Variants in SLC17A1 observed in about 807,000 individuals in gnomAD.
SLC17A1 encodes sodium-dependent phosphate transport protein 1.
In SLC17A1, 51 loss-of-function variants were observed where a neutral mutation model predicts 53.5. The observed-to-expected ratio is 0.95, with a 90% CI of 0.76 to 1.20. The LOEUF is 1.20. SLC17A1 is among the 50% of genes most tolerant of loss of function. The probability of loss-of-function intolerance (pLI) is 0.00; values close to 1 mark genes in which losing one functional copy is unlikely to be tolerated. For missense variants in SLC17A1, 538 were observed against 568.2 expected, an observed-to-expected ratio of 0.95 and a Z score of 0.54; for synonymous variants, 179 against 198.8, an observed-to-expected ratio of 0.90 and a Z score of 0.84.
At chr6:25,773,637 C>A in the SLC17A1 span, 67 of 1,613,678 alleles carry the variant, frequency 4.2e-5, no homozygotes, top group Middle Eastern at 1.6e-4. Flanking sequence ...TACACACCAA[C>A]GTACATCAGC....
chr6:25,777,850 C>T, the SLC17A1 span: 10 of 1,192,586 alleles, frequency 8.4e-6, no homozygotes, highest in South Asian at 1.2e-5. Context: ...GGAATATTTG[C>T]CTCCCTCTCC....
the SLC17A1 span, among the ~76,000 whole-genome samples, chr6:25,752,284 T>C: frequency 6.6e-6 from 1 of 152,236 alleles, no homozygotes; most frequent in Non-Finnish European, 1.5e-5. Context: ...CATGTTACTA[T>C]ACTGAATATT....
the SLC17A1 span, among the ~76,000 whole-genome samples, chr6:25,755,693 A>G: frequency 6.6e-6 from 1 of 152,190 alleles, no homozygotes; most frequent in African/African-American, 2.4e-5. Flanking sequence ...ATATTTCTAC[A>G]AAGGCCCTTC....
At position 25,800,923 on chromosome 6, in the gene SLC17A1, AATTAGTCCTCCTATC is replaced by A; in HGVS notation, c.1221_1235del (p.Met407_Leu411del). The A allele has an allele frequency of 6.2e-7, 1 of 1,610,184 alleles. No individual in the cohort carries two copies. The highest frequency in any genetic ancestry group is 8.5e-7 in the Non-Finnish European group (1 of 1,176,574). ...GGATCAATCCAGTCAAAGTGGAAGC[AATTAGTCCTCCTATC>A]ATTCCAGTTAAAGTTGAACATGCTT... On this transcript the variant is annotated inframe_deletion, in exon 11 of 13. Transcript: ENST00000244527.
chr6:25,807,471 T>C (rs977362392), intron 10 of SLC17A1, among the ~76,000 whole-genome samples: 29 of 152,024 alleles, frequency 1.9e-4, no homozygotes, highest in African/African-American at 7.0e-4. Flanking sequence ...TTAAAATTAT[T>C]ATTTCAATAA....
At chr6:25,727,526 G>A in the SLC17A1 span, among the ~76,000 whole-genome samples, 1 of 150,894 alleles carries the variant, frequency 6.6e-6, no homozygotes, top group Admixed American at 6.6e-5. Flanking sequence ...TGAGCAGCTG[G>A]GACTACAGGC....
chr6:25,773,035 C>T, the SLC17A1 span, among the ~76,000 whole-genome samples: 2 of 152,152 alleles, frequency 1.3e-5, no homozygotes, highest in Non-Finnish European at 2.9e-5. Flanking sequence ...TAAAAAAATC[C>T]TTTTTAATGC....
chr6:25,811,624 T>C lies in SLC17A1; in HGVS notation c.1030+14A>G. 4 of 1,613,930 alleles carry C rather than the reference T, an allele frequency of 2.5e-6. No homozygotes were observed. Among genetic ancestry groups the C allele is most frequent in the Non-Finnish European group, 3.4e-6 (4 of 1,179,872 alleles). ...GTATCTCCCAAGTGCTTAAATGTTC[T>C]GGCTGTTGCTTACCTGCTGCTGTGA... is the stretch of plus-strand genomic sequence containing the variant. On this transcript the variant is annotated intron_variant, in intron 9 of 12. Transcript: ENST00000244527.
At chr6:25,802,923 G>T (rs1482223958) in intron 10 of SLC17A1, among the ~76,000 whole-genome samples, 1 of 131,208 alleles carries the variant, frequency 7.6e-6, no homozygotes, top group Non-Finnish European at 1.6e-5. Flanking sequence ...ACGTTTTAAC[G>T]ACTATCTTCT....
At chr6:25,726,609 G>A in the SLC17A1 span, 233 of 1,492,398 alleles carry the variant, frequency 1.6e-4, no homozygotes, top group South Asian at 7.5e-4. Context: ...ACTGAGGTTG[G>A]CATTTGCTAT....
At position 25,801,540 on chromosome 6, in the gene SLC17A1, T is replaced by C. The variant is rs527327927; in HGVS notation, c.1179-560A>G. 3.3e-5 allele frequency among the ~76,000 whole-genome samples: 5 copies of C among 152,280 alleles called. No individual in the cohort carries two copies. The East Asian group carries it at 7.7e-4, about 23-fold the overall frequency. Reference sequence around the variant, plus strand: ...ATAAAGGGGTCAAACCCATCAGCCATGAAGAGCAAGGTGGTGCTGTTTGGA... The same window carrying C: ...ATAAAGGGGTCAAACCCATCAGCCACGAAGAGCAAGGTGGTGCTGTTTGGA... On this transcript the variant is annotated intron_variant, in intron 10 of 12. Transcript: ENST00000244527.
At chr6:25,758,038 C>T in the SLC17A1 span, among the ~76,000 whole-genome samples, 1 of 152,226 alleles carries the variant, frequency 6.6e-6, no homozygotes, top group Admixed American at 6.5e-5. Flanking sequence ...TTCACCTCTG[C>T]TGCCGTGGGA....
chr6:25,815,403 A>C (rs1374485690), intron 6 of SLC17A1, among the ~76,000 whole-genome samples: 1 of 152,150 alleles, frequency 6.6e-6, no homozygotes, highest in Non-Finnish European at 1.5e-5. Context: ...ACAACCTGAC[A>C]TGTTGTAACC....
chr6:25,746,477 G>A, the SLC17A1 span, among the ~76,000 whole-genome samples: 1 of 152,118 alleles, frequency 6.6e-6, no homozygotes, highest in Non-Finnish European at 1.5e-5. Flanking sequence ...TTAATAAACT[G>A]GGGGTAATGG....
intron 11 of SLC17A1, among the ~76,000 whole-genome samples, chr6:25,800,095 C>T (rs534364568): frequency 6.6e-6 from 1 of 152,258 alleles, no homozygotes; most frequent in African/African-American, 2.4e-5. Flanking sequence ...AGTGTTCCTA[C>T]AAATAAAGTT....
the SLC17A1 span, chr6:25,726,350 T>C: frequency 1.9e-6 from 3 of 1,613,522 alleles, no homozygotes; most frequent in South Asian, 3.3e-5. Context: ...ATTTCTGCTG[T>C]GAGATACTCT....
the SLC17A1 span, chr6:25,773,612 T>C: frequency 1.9e-6 from 3 of 1,614,004 alleles, no homozygotes; most frequent in Non-Finnish European, 1.7e-6. Context: ...CTGGCTTTTT[T>C]ATACCATTAT....
chr6:25,797,669 G>A (rs1380862538), intron 12 of SLC17A1, among the ~76,000 whole-genome samples: 3 of 150,972 alleles, frequency 2.0e-5, no homozygotes, highest in East Asian at 2.0e-4. Context: ...CAGTGATCTC[G>A]GCTCAATGCA....
chr6:25,784,057 C>A (rs1310395721), intron 12 of SLC17A1, among the ~76,000 whole-genome samples: 1 of 152,048 alleles, frequency 6.6e-6, no homozygotes, highest in Admixed American at 6.5e-5. Context: ...CACTATCTTT[C>A]CTTTGTATTG....
Sources: allele counts gnomAD v4.1 joint callset (sites outside exome capture counted in the v4.1 genomes callset), GRCh38; gene constraint gnomAD v4.1.1; transcripts MANE v1.5; gene names NCBI Gene and HGNC (gene_info 2026-07-23, HGNC 2026-07-21).